The following TUSC3 variants were observed in gnomAD, a reference collection of about 807,000 sequenced individuals.
TUSC3 encodes the protein tumor suppressor candidate 3, also known as dolichyl-diphosphooligosaccharide--protein glycosyltransferase subunit TUSC3.
Under a neutral mutation model 44.8 loss-of-function variants are expected in TUSC3, and 45 were observed. That is an observed-to-expected ratio of 1.00 (90% confidence interval 0.79 to 1.29). The LOEUF is 1.29. Ranked by LOEUF, TUSC3 falls within the 50% of genes most tolerant of loss-of-function variation. The pLI, the probability that TUSC3 is intolerant of heterozygous loss-of-function variation, is 0.00. For synonymous variants in TUSC3, 212 were observed against 152.9 expected (o/e 1.39, Z -2.85); for missense variants, 519 against 437.9 (o/e 1.19, Z -1.65).
Position 15,659,500 on chromosome 8 carries a change from T to A in TUSC3, c.427-7T>A, listed in dbSNP as rs1442846722. ...TATATTTAGTATTTTTTTCTCATGT[T>A]TTACAGCTCAACATGAACTCTGCTC... On this transcript the variant is annotated splice_polypyrimidine_tract_variant and splice_region_variant and intron_variant, in intron 3 of 10. Transcript: ENST00000503731. 1 of 1,611,422 alleles carries A rather than the reference T, an allele frequency of 6.2e-7. No homozygotes were observed. The highest frequency in any genetic ancestry group is 1.7e-5 in the Admixed American group (1 of 59,960).
chr8:15,673,557 C>A (rs1053400708), intron 5 of TUSC3, among the ~76,000 whole-genome samples, 190 bp from the exon 6 acceptor site: 5 of 151,978 alleles, frequency 3.3e-5, no homozygotes, highest in Admixed American at 1.3e-4. Flanking sequence ...TTTATAGATA[C>A]GGAATCTGAG....
intron 1 of TUSC3, among the ~76,000 whole-genome samples, chr8:15,617,139 T>TGTGTGTGTGTGTGTGTGTA (rs772712798): frequency 5.0e-5 from 3 of 60,184 alleles, no homozygotes; most frequent in South Asian, 5.6e-4. Context: ...TGTGTATATA[T>TGTGTGTGTGTGTGTGTGTA]TTTTTTTTTT....
chr8:15,581,304 T>G (rs1210995929), intron 1 of TUSC3, among the ~76,000 whole-genome samples: 2 of 148,598 alleles, frequency 1.3e-5, no homozygotes, highest in Non-Finnish European at 3.0e-5. Context: ...GTCTGAAGCC[T>G]TCTTCTCTCA....
chr8:15,801,397 G>A, the TUSC3 span, among the ~76,000 whole-genome samples: 3 of 152,150 alleles, frequency 2.0e-5, no homozygotes, highest in African/African-American at 7.2e-5. Context: ...CTGAGAGCAT[G>A]TCTGCTGAAG....
chr8:15,512,215 T>G (rs1056854449), intron 2 of TUSC3, among the ~76,000 whole-genome samples: 1 of 152,252 alleles, frequency 6.6e-6, no homozygotes, highest in African/African-American at 2.4e-5. Context: ...TCTGTGAATG[T>G]GTTTTTTAGA....
intron 1 of TUSC3, among the ~76,000 whole-genome samples, chr8:15,420,603 A>G (rs1247095856): frequency 3.1e-5 from 2 of 64,008 alleles, no homozygotes; most frequent in Admixed American, 1.2e-4. Context: ...AGTTTCTGCA[A>G]AAATTCCTCT....
chr8:15,840,454 A>C, the TUSC3 span, among the ~76,000 whole-genome samples: 1 of 152,178 alleles, frequency 6.6e-6, no homozygotes, highest in East Asian at 1.9e-4. Flanking sequence ...AAAGTCTTTG[A>C]GATATGTAGC....
downstream of TUSC3, among the ~76,000 whole-genome samples, chr8:15,769,672 T>G (rs1812407531): frequency 6.6e-6 from 1 of 152,126 alleles, no homozygotes; most frequent in Admixed American, 6.5e-5. Context: ...ATTTGTGCAA[T>G]CTATCCATCT....
intron 1 of TUSC3, among the ~76,000 whole-genome samples, chr8:15,421,918 A>G (rs1022551252): frequency 3.3e-5 from 5 of 152,158 alleles, no homozygotes; most frequent in South Asian, 2.1e-4. Context: ...CTTGAATTCA[A>G]TTGTTTTCTT....
intron 7 of TUSC3, among the ~76,000 whole-genome samples, chr8:15,734,426 T>A (rs1810849049): frequency 6.6e-6 from 1 of 152,166 alleles, no homozygotes; most frequent in South Asian, 2.1e-4. Flanking sequence ...TCCTAAGTAG[T>A]CTTTGAGAGA....
chr8:15,575,501 C>G (rs190281477), intron 1 of TUSC3, among the ~76,000 whole-genome samples: 3 of 152,166 alleles, frequency 2.0e-5, no homozygotes, highest in African/African-American at 4.8e-5. Context: ...TATGGTGGCT[C>G]ACGCCTGTAA....
At chr8:15,570,087 A>G (rs1417943331) in intron 1 of TUSC3, among the ~76,000 whole-genome samples, 1 of 152,080 alleles carries the variant, frequency 6.6e-6, no homozygotes, top group Non-Finnish European at 1.5e-5. Flanking sequence ...AAAGATTCCC[A>G]CATTATTACT....
intron 1 of TUSC3, among the ~76,000 whole-genome samples, chr8:15,575,594 C>T (rs920010436): frequency 6.6e-6 from 1 of 152,006 alleles, no homozygotes; most frequent in East Asian, 1.9e-4. Flanking sequence ...TGGTGAAAAC[C>T]CGTCTCTATT....
chr8:15,635,767 C>G (rs981450732), intron 2 of TUSC3, among the ~76,000 whole-genome samples: 12 of 152,122 alleles, frequency 7.9e-5, no homozygotes, highest in African/African-American at 1.9e-4. Flanking sequence ...AGTCTCAAGT[C>G]TAGTATTCAT....
chr8:15,618,432 A>T (rs936374902), intron 1 of TUSC3, among the ~76,000 whole-genome samples: 5 of 152,086 alleles, frequency 3.3e-5, no homozygotes, highest in African/African-American at 1.2e-4. Flanking sequence ...AAGTTTTTAT[A>T]CTTTATTGTT....
intron 1 of TUSC3, among the ~76,000 whole-genome samples, chr8:15,473,965 C>T (rs141992536): frequency 1.3e-5 from 2 of 152,052 alleles, no homozygotes; most frequent in Non-Finnish European, 1.5e-5. Flanking sequence ...CTGCAGGAGA[C>T]CAGGGCGTAT....
intron 2 of TUSC3, among the ~76,000 whole-genome samples, chr8:15,502,982 A>G (rs1218454836): frequency 2.0e-5 from 3 of 152,226 alleles, no homozygotes; most frequent in East Asian, 1.9e-4. Flanking sequence ...TTTTAAAGGT[A>G]TTTTACTTAC....
chr8:15,849,266 T>C, the TUSC3 span, among the ~76,000 whole-genome samples: 6 of 152,248 alleles, frequency 3.9e-5, no homozygotes, highest in African/African-American at 1.4e-4. Context: ...CCTCTAAAAA[T>C]ATTTAGAGGT....
intron 2 of TUSC3, among the ~76,000 whole-genome samples, chr8:15,641,837 T>G (rs1474827025): frequency 6.6e-6 from 1 of 152,220 alleles, no homozygotes; most frequent in Admixed American, 6.5e-5. Flanking sequence ...ATAAAAGTAT[T>G]ATGGTTATTT....
Sources: allele counts gnomAD v4.1 joint callset (sites outside exome capture counted in the v4.1 genomes callset), GRCh38; gene constraint gnomAD v4.1.1; transcripts MANE v1.5; gene names NCBI Gene and HGNC (gene_info 2026-07-23, HGNC 2026-07-21).